Variants in SPAG16 observed in about 807,000 individuals in gnomAD.
SPAG16 encodes the protein sperm associated antigen 16, also known as sperm-associated antigen 16 protein.
A neutral mutation model predicts 80.4 loss-of-function variants in SPAG16; 86 were observed. The observed-to-expected ratio is 1.07, with a 90% CI of 0.90 to 1.28. SPAG16 has a LOEUF of 1.28. Ranked by LOEUF, SPAG16 falls within the 50% of genes most tolerant of loss-of-function variation. The pLI is 0.00. For synonymous variants in SPAG16, 294 were observed against 265.9 expected (o/e 1.11, Z -1.03); for missense variants, 870 against 765.3 (o/e 1.14, Z -1.61).
rs190340375 is a variant in SPAG16 at position 213,694,487 on chromosome 2, G to A, written c.1071-167998G>A. Among the ~76,000 whole-genome samples the A allele has an allele frequency of 1.2e-3, 183 of 152,060 alleles. 2 individuals are homozygous for A. Among genetic ancestry groups the A allele is most frequent in the Middle Eastern group, 3.4e-3 (1 of 292 alleles). On this transcript the variant is annotated intron_variant, in intron 10 of 15. Transcript: ENST00000331683. ...CCATATGCGTTGCTTTCTAGTATAC[G>A]TGGAAATGTGGTATAGCCAAAAAGT...
rs148508998 is a variant in SPAG16, at chr2:214,147,671, C to A, written c.1594-1469C>A. On this transcript the variant is annotated intron_variant, in intron 14 of 15. Transcript: ENST00000331683. ...CTGATTCCTCACAATTCTTATAATA[C>A]ATGTTTACATATTTGAGGGCATTCC... 8.1e-3 allele frequency among the ~76,000 whole-genome samples: 1,234 copies of A among 152,232 alleles called. 4 individuals carry two copies. Among genetic ancestry groups the A allele is most frequent in the Non-Finnish European group, 0.014 (954 of 68,006 alleles).
chr2:214,368,965 A>G (rs1028387945), intron 15 of SPAG16, among the ~76,000 whole-genome samples: 2 of 152,008 alleles, frequency 1.3e-5, no homozygotes, highest in African/African-American at 4.8e-5. Flanking sequence ...ATGTTGTTCA[A>G]CTTCGCCCTT....
chr2:213,676,223 C>A (rs2064066674), intron 10 of SPAG16, among the ~76,000 whole-genome samples: 1 of 152,134 alleles, frequency 6.6e-6, no homozygotes, highest in Non-Finnish European at 1.5e-5. Flanking sequence ...GATTTTTGTA[C>A]ATTGATTTTG....
At chr2:214,311,933 C>T (rs1311892600) in intron 15 of SPAG16, among the ~76,000 whole-genome samples, 1 of 152,194 alleles carries the variant, frequency 6.6e-6, no homozygotes, top group Non-Finnish European at 1.5e-5. Context: ...CACCCTCATA[C>T]ACCCTTACTC....
chr2:213,343,569 A>G (rs2064807620), intron 6 of SPAG16, among the ~76,000 whole-genome samples: 1 of 152,176 alleles, frequency 6.6e-6, no homozygotes, highest in Admixed American at 6.6e-5. Context: ...AAAATTACAG[A>G]ATTAGCAGGC....
chr2:213,442,773 A>G (rs1389919888), intron 9 of SPAG16, among the ~76,000 whole-genome samples: 6 of 152,188 alleles, frequency 3.9e-5, no homozygotes, highest in Admixed American at 3.3e-4. Context: ...CTCAAAATGG[A>G]TCACAGACTT....
At chr2:214,208,771 G>A (rs1315247540) in intron 15 of SPAG16, among the ~76,000 whole-genome samples, 1 of 151,938 alleles carries the variant, frequency 6.6e-6, no homozygotes, top group African/African-American at 2.4e-5. Context: ...GGGATAAATG[G>A]GCTAATAGCT....
chr2:214,245,731 A>C (rs1341029776), intron 15 of SPAG16, among the ~76,000 whole-genome samples: 5 of 152,162 alleles, frequency 3.3e-5, no homozygotes, highest in Non-Finnish European at 7.3e-5. Flanking sequence ...GGTCAACTCA[A>C]GCAAATAATT....
intron 12 of SPAG16, among the ~76,000 whole-genome samples, chr2:213,987,826 A>G (rs1323910483): frequency 2.0e-5 from 3 of 147,770 alleles, no homozygotes; most frequent in Non-Finnish European, 4.5e-5. Context: ...ATATATACAT[A>G]TTTATATTAT....
chr2:214,287,005 G>A (rs1693415173), intron 15 of SPAG16, among the ~76,000 whole-genome samples: 1 of 152,074 alleles, frequency 6.6e-6, no homozygotes, highest in African/African-American at 2.4e-5. Flanking sequence ...AGATATATTT[G>A]GAGATTAATA....
At chr2:213,918,500 G>A (rs150855145) in intron 11 of SPAG16, among the ~76,000 whole-genome samples, 6,409 of 152,140 alleles carry the variant, frequency 0.042, 163 homozygotes, top group East Asian at 0.083. Context: ...GTTGTGGGAG[G>A]GACCTGGTGG....
At chr2:214,332,042 AG>A (rs1293836287) in intron 15 of SPAG16, among the ~76,000 whole-genome samples, 1 of 152,200 alleles carries the variant, frequency 6.6e-6, no homozygotes, top group Non-Finnish European at 1.5e-5. Context: ...ACTCGAGGTC[AG>A]GAGTTCAAGA....
rs564036456 is a variant in SPAG16 at position 213,720,742 on chromosome 2, C to CT, written c.1071-141722dup. On this transcript the variant is annotated intron_variant, in intron 10 of 15. Transcript: ENST00000331683. ...GCCAAGTGCCTGGCCGAAGTAAGTC[C>CT]TTTTTTTTTTTTTTTTTTTTTGAGA... 1.2e-3 allele frequency among the ~76,000 whole-genome samples: 94 copies of CT among 78,930 alleles called. 3 individuals are homozygous for CT. Among genetic ancestry groups the CT allele is most frequent in the African/African-American group, 3.8e-3 (83 of 21,712 alleles). The allele number at this position is 78,930 out of a possible 152,430, so 51.8% of individuals were successfully genotyped here. A position where few individuals can be genotyped will look rare whatever the true frequency, so the allele number is the denominator to read the frequency against.
intron 10 of SPAG16, among the ~76,000 whole-genome samples, chr2:213,508,234 A>C (rs2075052908): frequency 6.6e-6 from 1 of 152,236 alleles, no homozygotes; most frequent in Admixed American, 6.5e-5. Flanking sequence ...CTGGATTAAG[A>C]AAATGTGGCA....
rs1393892154 is a variant in SPAG16 at position 213,536,673 on chromosome 2, GTTGT to G, written c.1070+46590_1070+46593del. On this transcript the variant is annotated intron_variant, in intron 10 of 15. Transcript: ENST00000331683. ...TGTCCTTTGCCCACTTTTTGATGGGGTTGTTTGTTTTTTTCTTGTAAATTTGTTT... is the reference window on the plus strand; with the variant it reads ...TGTCCTTTGCCCACTTTTTGATGGGGTTGTTTTTTTCTTGTAAATTTGTTT... 3.3e-5 allele frequency among the ~76,000 whole-genome samples: 5 copies of G among 152,058 alleles called. No individual in the cohort carries two copies. In the South Asian group the frequency reaches 8.3e-4, roughly 25 times the overall value.
chr2:214,317,499 C>T (rs1164091532), intron 15 of SPAG16, among the ~76,000 whole-genome samples: 3 of 152,148 alleles, frequency 2.0e-5, no homozygotes, highest in African/African-American at 7.2e-5. Context: ...TTCCCGAACC[C>T]ATGTTAATAA....
chr2:214,059,186 C>CTATATATATATATATATATATATA (rs36006046), intron 13 of SPAG16, among the ~76,000 whole-genome samples: 84 of 114,332 alleles, frequency 7.3e-4, no homozygotes, highest in African/African-American at 2.8e-3. Context: ...CTCTCTCTGT[C>CTATATATATATATATATATATATA]TATATATATA....
chr2:213,967,437 A>G (rs10167662), intron 12 of SPAG16, among the ~76,000 whole-genome samples: 62,989 of 151,974 alleles, frequency 0.41, 13,097 homozygotes, highest in South Asian at 0.5. Context: ...CAAAAGAGAG[A>G]CATGTTTAAC....
intron 3 of SPAG16, among the ~76,000 whole-genome samples, chr2:213,302,180 T>A (rs896578151): frequency 6.6e-6 from 1 of 152,188 alleles, no homozygotes; most frequent in African/African-American, 2.4e-5. Context: ...TAATTTTTGA[T>A]CATTCAGCAG....
Sources: allele counts gnomAD v4.1 joint callset (sites outside exome capture counted in the v4.1 genomes callset), GRCh38; gene constraint gnomAD v4.1.1; transcripts MANE v1.5; gene names NCBI Gene and HGNC (gene_info 2026-07-23, HGNC 2026-07-21).